KCNQ1: variants seen among roughly 807,000 people sequenced by gnomAD.
The protein encoded by KCNQ1 is potassium voltage-gated channel subfamily Q member 1.
Under a neutral mutation model 72.4 loss-of-function variants are expected in KCNQ1, and 49 were observed. The ratio of observed to expected loss-of-function variants is 0.68; its 90% CI spans 0.54 to 0.86. The LOEUF is 0.86. KCNQ1 is among the 40% of genes least tolerant of loss of function. The pLI is 0.00. For missense variants in KCNQ1, 790 were observed against 945.1 expected (o/e 0.84, Z 2.15); for synonymous variants, 450 against 412.6 (o/e 1.09, Z -1.10).
At chr11:2,622,530 C>T (rs939734024) in intron 10 of KCNQ1, 8 of 398,196 alleles carry the variant, frequency 2.0e-5, no homozygotes, top group East Asian at 1.1e-4. Flanking sequence ...AGAATTTAAT[C>T]GACTTACATT....
Position 2,734,605 on chromosome 11 carries a change from G to A in KCNQ1, c.1515-34239G>A, listed in dbSNP as rs1052957969. ...CGGCTGCTGGGTGGGGGATAACAGG[G>A]GTTTTCCGAGGCCCTGAAGGACTGG... On this transcript the variant is annotated intron_variant, in intron 11 of 15. Transcript: ENST00000155840. The surrounding 1 kb of genome is among the most constrained non-coding windows in gnomAD (Gnocchi z 7.0). Among the ~76,000 whole-genome samples, 2 of 152,000 alleles carry A rather than the reference G, an allele frequency of 1.3e-5. No individual in the cohort carries two copies. Among genetic ancestry groups the A allele is most frequent in the African/African-American group, 4.8e-5 (2 of 41,372 alleles).
At chr11:2,770,248 T>G (rs1247649747) in intron 12 of KCNQ1, among the ~76,000 whole-genome samples, 1 of 152,150 alleles carries the variant, frequency 6.6e-6, no homozygotes, top group Admixed American at 6.5e-5. Flanking sequence ...GCCTCCAGAC[T>G]TCACAGGGCG....
rs1000331860 is a variant in KCNQ1, at chr11:2,613,487, C to T, written c.1393+24633C>T. On this transcript the variant is annotated intron_variant, in intron 10 of 15. Transcript: ENST00000155840. The surrounding 1 kb of genome is among the most constrained non-coding windows in gnomAD (Gnocchi z 4.8). ...GCCTTCTTTGTTGCTGGTCCTCAAGCCTACCGTGCCCCTGAGCTTGGGTGG... is the reference window on the plus strand; with the variant it reads ...GCCTTCTTTGTTGCTGGTCCTCAAGTCTACCGTGCCCCTGAGCTTGGGTGG... The T allele has an allele frequency of 2.0e-5, 8 of 398,448 alleles. No individual in the cohort carries two copies. The highest frequency in any genetic ancestry group is 1.4e-4 in the African/African-American group (7 of 48,592). The allele number at this position is 398,448 out of a possible 1,614,324, so 24.7% of individuals were successfully genotyped here.
chr11:2,723,323 C>T lies in KCNQ1; in HGVS notation c.1515-45521C>T, dbSNP rs534039520. 3.5e-4 allele frequency among the ~76,000 whole-genome samples: 53 copies of T among 152,314 alleles called. No homozygotes were observed. The highest frequency in any genetic ancestry group is 1.0e-3 in the African/African-American group (43 of 41,570). On this transcript the variant is annotated intron_variant, in intron 11 of 15. Transcript: ENST00000155840. This position sits in a 1 kb window ranked among gnomAD's most constrained non-coding sequence, Gnocchi z 4.2. ...GACGAGGAGGCTCCGCAGCCTCCCC[C>T]GGGACACTGCAACCCTCAAGACTCC...
chr11:2,544,146 A>C lies in KCNQ1; in HGVS notation c.477+16128A>C, dbSNP rs1030814832. Among the ~76,000 whole-genome samples the C allele has an allele frequency of 1.3e-3, 194 of 152,112 alleles. 1 individual carries two copies. Among genetic ancestry groups the C allele is most frequent in the Non-Finnish European group, 5.0e-4 (34 of 68,016 alleles). Reference sequence around the variant, plus strand: ...CTGGTAGAATTTTGTTTGGGATTGCATTCAACCTAAAGATCAACATGGGGA... The same window carrying C: ...CTGGTAGAATTTTGTTTGGGATTGCCTTCAACCTAAAGATCAACATGGGGA... On this transcript the variant is annotated intron_variant, in intron 2 of 15. Coordinates refer to ENST00000155840, the MANE Select transcript of KCNQ1 (RefSeq NM_000218.3). The surrounding 1 kb of genome is among the most constrained non-coding windows in gnomAD (Gnocchi z 4.4).
chr11:2,764,132 G>A lies in KCNQ1; in HGVS notation c.1515-4712G>A, dbSNP rs552501129. Among the ~76,000 whole-genome samples, 5 of 151,864 alleles carry A rather than the reference G, an allele frequency of 3.3e-5. No individual in the cohort carries two copies. The highest frequency in any genetic ancestry group is 2.1e-4 in the South Asian group (1 of 4,802). On this transcript the variant is annotated intron_variant, in intron 11 of 15. Transcript: ENST00000155840. This position sits in a 1 kb window ranked among gnomAD's most constrained non-coding sequence, Gnocchi z 4.8. ...TTGCTTCCTGTCTCAGGAGGAAAGC[G>A]TATCACATTTCACTATTAAGTATGA...
rs1233253574 is a variant in KCNQ1 at position 2,588,301 on chromosome 11, G to C, written c.1252-412G>C. Among the ~76,000 whole-genome samples the C allele has an allele frequency of 2.0e-5, 3 of 152,112 alleles. No individual in the cohort carries two copies. The highest frequency in any genetic ancestry group is 4.4e-5 in the Non-Finnish European group (3 of 68,014). On this transcript the variant is annotated intron_variant, in intron 9 of 15. Coordinates refer to ENST00000155840, the MANE Select transcript of KCNQ1 (RefSeq NM_000218.3). This position sits in a 1 kb window ranked among gnomAD's most constrained non-coding sequence, Gnocchi z 5.6. ...AGCCTCCGTGCCTACTGTTCCCTGT[G>C]CTGGAATGTTCCCCCAGATTTCCAC...
chr11:2,652,393 C>G lies in KCNQ1; in HGVS notation c.1394-9568C>G, dbSNP rs2133844443. ...AGATCGCTCTTAATTAGATTAAAAA[C>G]ATTTTTTTCTTCCTGTGTAATTTTG... On this transcript the variant is annotated intron_variant, in intron 10 of 15. Transcript: ENST00000155840. This position sits in a 1 kb window ranked among gnomAD's most constrained non-coding sequence, Gnocchi z 5.9. The G allele has an allele frequency of 2.5e-6, 1 of 398,626 alleles. No individual in the cohort carries two copies. The highest frequency in any genetic ancestry group is 3.6e-5 in the East Asian group (1 of 28,082). The allele number at this position is 398,626 out of a possible 1,614,324, so 24.7% of individuals were successfully genotyped here.
In KCNQ1 at chr11:2,593,398, A is replaced by C. The variant is rs1848694874; in HGVS notation, c.1393+4544A>C. ...ACCTCAGAGGCCTTTTGCTGCTCAG[A>C]GAACACTGGGCTGTAAGGTCGTGGT... is the stretch of plus-strand genomic sequence containing the variant. On this transcript the variant is annotated intron_variant, in intron 10 of 15. Transcript: ENST00000155840. This position sits in a 1 kb window ranked among gnomAD's most constrained non-coding sequence, Gnocchi z 6.9. Among the ~76,000 whole-genome samples, 1 of 151,876 alleles carries C rather than the reference A, an allele frequency of 6.6e-6. No homozygotes were observed. Among genetic ancestry groups the C allele is most frequent in the African/African-American group, 2.4e-5 (1 of 41,362 alleles).
chr11:2,690,905 T>C lies in KCNQ1; in HGVS notation c.1514+28824T>C, dbSNP rs940624651. The stretch of plus-strand genomic sequence containing the variant: ...CACTGTTTCCGTCTGGGTTTTGTCA[T>C]GTGTAGGTCCCAGCGGCTTTAAGCC... On this transcript the variant is annotated intron_variant, in intron 11 of 15. Coordinates refer to ENST00000155840, the MANE Select transcript of KCNQ1 (RefSeq NM_000218.3). This position sits in a 1 kb window ranked among gnomAD's most constrained non-coding sequence, Gnocchi z 5.1. 15 of 398,468 alleles carry C rather than the reference T, an allele frequency of 3.8e-5. No homozygotes were observed. The highest frequency in any genetic ancestry group is 4.4e-6 in the Non-Finnish European group (1 of 226,058). The allele number at this position is 398,468 out of a possible 1,614,324, so 24.7% of individuals were successfully genotyped here. A position where few individuals can be genotyped will look rare whatever the true frequency, so the allele number is the denominator to read the frequency against.
At chr11:2,480,883 A>G (rs1016065902) in intron 1 of KCNQ1, among the ~76,000 whole-genome samples, 1 of 152,206 alleles carries the variant, frequency 6.6e-6, no homozygotes, top group Non-Finnish European at 1.5e-5. Context: ...AGGGCTCAGA[A>G]AGATTCAACC....
rs1487728793 is a variant in KCNQ1 at position 2,623,859 on chromosome 11, T to G, written c.1393+35005T>G. On this transcript the variant is annotated intron_variant, in intron 10 of 15. Coordinates refer to ENST00000155840, the MANE Select transcript of KCNQ1 (RefSeq NM_000218.3). This position sits in a 1 kb window ranked among gnomAD's most constrained non-coding sequence, Gnocchi z 5.2. ...AGAAACCACTGATTTCGATATACTCTGGATTCTTCGGGGGATATGTATACA... is the reference window on the plus strand; with the variant it reads ...AGAAACCACTGATTTCGATATACTCGGGATTCTTCGGGGGATATGTATACA... 2.5e-6 allele frequency: 1 copy of G among 398,514 alleles called. No individual in the cohort carries two copies. Among genetic ancestry groups the G allele is most frequent in the Admixed American group, 4.4e-5 (1 of 22,724 alleles). 24.7% of individuals were successfully genotyped at this position (398,514 alleles called of 1,614,324 possible). A position where few individuals can be genotyped will look rare whatever the true frequency, so the allele number is the denominator to read the frequency against.
At chr11:2,648,170 G>A (rs747438207) in intron 10 of KCNQ1, 34 of 386,144 alleles carry the variant, frequency 8.8e-5, no homozygotes, top group African/African-American at 2.7e-4. Flanking sequence ...ACACCACTGC[G>A]CTCTAGCCTG....
Position 2,734,555 on chromosome 11 carries a change from G to A in KCNQ1, c.1515-34289G>A, listed in dbSNP as rs899869967. ...GCCAGATGTGGGGAGCGGGGCTGTCGAGGCTGATCTCAGGATGCTTGCTGC... is the reference window on the plus strand; with the variant it reads ...GCCAGATGTGGGGAGCGGGGCTGTCAAGGCTGATCTCAGGATGCTTGCTGC... On this transcript the variant is annotated intron_variant, in intron 11 of 15. Coordinates refer to ENST00000155840, the MANE Select transcript of KCNQ1 (RefSeq NM_000218.3). The surrounding 1 kb of genome is among the most constrained non-coding windows in gnomAD (Gnocchi z 7.0). Among the ~76,000 whole-genome samples the A allele has an allele frequency of 1.3e-5, 2 of 152,114 alleles. No individual in the cohort carries two copies. The highest frequency in any genetic ancestry group is 2.4e-5 in the African/African-American group (1 of 41,410).
At chr11:2,445,763 G>A (rs376907750) in intron 1 of KCNQ1, among the ~76,000 whole-genome samples, 1 of 152,190 alleles carries the variant, frequency 6.6e-6, no homozygotes, top group Non-Finnish European at 1.5e-5. Context: ...CCACACCTCC[G>A]GGAGGGTAGT....
At chr11:2,699,776 G>A (rs932172820) in intron 11 of KCNQ1, 2 of 397,062 alleles carry the variant, frequency 5.0e-6, no homozygotes, top group Non-Finnish European at 8.9e-6. Context: ...GAGGAGCCCC[G>A]AGGAGAACCG....
intron 2 of KCNQ1, among the ~76,000 whole-genome samples, chr11:2,554,982 C>T (rs1176698729): frequency 6.6e-6 from 1 of 152,214 alleles, no homozygotes; most frequent in Admixed American, 6.5e-5. Context: ...ACTAGACAGG[C>T]CCGTGTGCAC....
At chr11:2,631,637 G>A (rs76489785) in intron 10 of KCNQ1, 5,572 of 398,332 alleles carry the variant, frequency 0.014, 157 homozygotes, top group East Asian at 0.079. Flanking sequence ...ATGTTTCCTT[G>A]GTTTTTCTGT....
Position 2,800,552 on chromosome 11 carries a change from G to A in KCNQ1, c.1794+22515G>A, listed in dbSNP as rs568736790. On this transcript the variant is annotated intron_variant, in intron 15 of 15. Coordinates refer to ENST00000155840, the MANE Select transcript of KCNQ1 (RefSeq NM_000218.3). ...TAGGGCCCAGGGAGTGGGGGAAGGG[G>A]CCTGGGTCCCGCACAGGATTGAGGT... Among the ~76,000 whole-genome samples the A allele has an allele frequency of 1.1e-4, 16 of 152,344 alleles. No homozygotes were observed. The South Asian group carries it at 3.3e-3, about 32-fold the overall frequency.
Sources: allele counts gnomAD v4.1 joint callset (sites outside exome capture counted in the v4.1 genomes callset), GRCh38; gene constraint gnomAD v4.1.1; non-coding constraint Gnocchi (gnomAD v3.1); transcripts MANE v1.5; gene names NCBI Gene and HGNC (gene_info 2026-07-23, HGNC 2026-07-21).